The following ZNF398 variants were observed in gnomAD, a reference collection of about 807,000 sequenced individuals.
ZNF398 encodes the protein zinc finger protein 398, also known as zinc finger DNA binding protein ZER6.
ZNF398 carries 18 observed loss-of-function variants against 41.9 expected under a neutral mutation model. The ratio of observed to expected loss-of-function variants is 0.43; its 90% CI spans 0.30 to 0.64. The LOEUF (loss-of-function observed/expected upper bound fraction) is 0.64, where lower values mean the gene tolerates loss of function less well. Ranked by LOEUF, ZNF398 falls within the 30% of genes least tolerant of loss-of-function variation. ZNF398 has a pLI of 0.14. For missense variants in ZNF398, 669 were observed against 822.8 expected, an observed-to-expected ratio of 0.81 and a Z score of 2.29; for synonymous variants, 260 against 308.8, an observed-to-expected ratio of 0.84 and a Z score of 1.66.
chr7:149,161,808 CAAA>C (rs36116852), intron 2 of ZNF398, among the ~76,000 whole-genome samples: 2 of 116,696 alleles, frequency 1.7e-5, no homozygotes, highest in African/African-American at 3.0e-5. Flanking sequence ...TAATTAACTC[CAAA>C]AAAAAAAAAA....
upstream of ZNF398, among the ~76,000 whole-genome samples, chr7:149,142,927 T>C (rs1826858840): frequency 6.6e-6 from 1 of 152,214 alleles, no homozygotes; most frequent in Non-Finnish European, 1.5e-5. Flanking sequence ...CACTATAGTT[T>C]GTTCCCATCT....
Position 149,179,051 on chromosome 7 carries a change from C to A in ZNF398, c.1179C>A (p.Ala393=). The A allele has an allele frequency of 6.2e-7, 1 of 1,613,922 alleles. No individual in the cohort carries two copies. Among genetic ancestry groups the A allele is most frequent in the Non-Finnish European group, 8.5e-7 (1 of 1,179,970 alleles). Residue 393 remains alanine (A), a synonymous_variant, in exon 6 of 6, where the codon GCC becomes GCA. Transcript: ENST00000475153. This position sits in a 1 kb window ranked among gnomAD's most constrained non-coding sequence, Gnocchi z 6.1. ...ADLSSTSQDH[A]SETPPTCPHC... is the part of the protein sequence containing the mutation. ...TCAGCAGCACCTCCCAGGACCATGC[C>A]AGCGAGACACCCCCCACCTGCCCAC... is the stretch of plus-strand genomic sequence containing the variant.
intron 2 of ZNF398, among the ~76,000 whole-genome samples, chr7:149,163,197 TG>T (rs776090138): frequency 0.074 from 11,125 of 150,000 alleles, 415 homozygotes; most frequent in Middle Eastern, 0.094. Flanking sequence ...ATACCTGTTT[TG>T]TTTGTTTGTT....
At chr7:149,131,882 TA>T (rs1431880122) in intron 2 of ZNF398, among the ~76,000 whole-genome samples, 54 of 152,340 alleles carry the variant, frequency 3.5e-4, no homozygotes, top group African/African-American at 1.2e-3. Flanking sequence ...TTGACACTTT[TA>T]AACAGTTTTA....
At position 149,179,844 on chromosome 7, in the gene ZNF398, G is replaced by A. The variant is rs1437911145; in HGVS notation, c.*43G>A. 1.3e-6 allele frequency: 2 copies of A among 1,505,934 alleles called. No homozygotes were observed. Among genetic ancestry groups the A allele is most frequent in the African/African-American group, 1.4e-5 (1 of 71,608 alleles). The allele number at this position is 1,505,934 out of a possible 1,614,324, so 93.3% of individuals were successfully genotyped here. A position where few individuals can be genotyped will look rare whatever the true frequency, so the allele number is the denominator to read the frequency against. ...TTCATGCTTGTATATGCTCACAGCAGGGCACAAAATCCAAGAGAAGGTCTG... is the reference window on the plus strand; with the variant it reads ...TTCATGCTTGTATATGCTCACAGCAAGGCACAAAATCCAAGAGAAGGTCTG... On this transcript the variant is annotated 3_prime_UTR_variant, in exon 6 of 6. Coordinates refer to ENST00000475153, the MANE Select transcript of ZNF398 (RefSeq NM_170686.3). This position sits in a 1 kb window ranked among gnomAD's most constrained non-coding sequence, Gnocchi z 6.1.
intron 2 of ZNF398, among the ~76,000 whole-genome samples, chr7:149,142,419 G>A (rs1431477245): frequency 6.6e-6 from 1 of 152,216 alleles, no homozygotes; most frequent in Non-Finnish European, 1.5e-5. Flanking sequence ...TGTAATCCCA[G>A]CACTTTGGGA....
In ZNF398 at chr7:149,179,547, C is replaced by T. The variant is rs140277862; in HGVS notation, c.1675C>T (p.Arg559Cys). The change falls in exon 6 of 6, where the codon CGC becomes TGC. Residue 559 changes from arginine to cysteine, a missense_variant. By Grantham distance (180) the Arg-to-Cys change is radical. This residue lies in a region of ZNF398 where 210 missense variants were observed against 290.4 expected (regional missense o/e 0.72). Transcript: ENST00000475153. This position sits in a 1 kb window ranked among gnomAD's most constrained non-coding sequence, Gnocchi z 6.1. ...IRKHHLMKHQ[R>C]IHTGERPYPC... The stretch of plus-strand genomic sequence containing the variant: ...CAAGCACCACCTAATGAAACACCAG[C>T]GCATCCACACCGGGGAGCGGCCCTA... 4 of 1,614,096 alleles carry T rather than the reference C, an allele frequency of 2.5e-6. No homozygotes were observed. Among genetic ancestry groups the T allele is most frequent in the African/African-American group, 1.3e-5 (1 of 74,926 alleles).
At position 149,155,087 on chromosome 7, in the gene ZNF398, G is replaced by T. The variant is rs529677155; in HGVS notation, c.420+747G>T. On this transcript the variant is annotated intron_variant, in intron 2 of 5. Transcript: ENST00000475153. The stretch of plus-strand genomic sequence containing the variant: ...GGATCTCCTGAGGTCAGGAGTTCAA[G>T]ACCAGCCTGGCCAACATGGTGAAAC... 8.6e-4 allele frequency among the ~76,000 whole-genome samples: 130 copies of T among 150,898 alleles called. 1 individual carries two copies. Among genetic ancestry groups the T allele is most frequent in the Non-Finnish European group, 1.5e-3 (100 of 67,864 alleles).
chr7:149,145,270 T>A (rs1194185358), upstream of ZNF398, among the ~76,000 whole-genome samples: 1 of 152,174 alleles, frequency 6.6e-6, no homozygotes, highest in Non-Finnish European at 1.5e-5. Context: ...GGTCATGTGC[T>A]TATCCTATCA....
chr7:149,146,741 T>A (rs909422698), upstream of ZNF398, among the ~76,000 whole-genome samples: 6 of 151,460 alleles, frequency 4.0e-5, no homozygotes, highest in Non-Finnish European at 8.8e-5. Flanking sequence ...TCCCAGCTAC[T>A]TGGGAGGCAA....
Position 149,176,502 on chromosome 7 carries a change from G to A in ZNF398, c.696G>A (p.Trp232Ter). The A allele has an allele frequency of 6.2e-7, 1 of 1,613,692 alleles. No individual in the cohort carries two copies. The highest frequency in any genetic ancestry group is 8.5e-7 in the Non-Finnish European group (1 of 1,179,924). ...TTTCAACATCAGATATTCTGTCTTG[G>A]ATTAAACAAGAAGAAGAGCCTCAGG... The part of the protein sequence containing the change: ...PGISTSDILS[W>*]IKQEEEPQVG... The change falls in exon 5 of 6, where the codon TGG (tryptophan) becomes TGA (stop). Residue 232 changes from tryptophan (W) to a stop codon, truncating the protein, a stop_gained. Transcript: ENST00000475153. LOFTEE classifies it high-confidence loss of function.
At chr7:149,175,575 CAT>C (rs1355823591) in intron 4 of ZNF398, among the ~76,000 whole-genome samples, 1 of 152,144 alleles carries the variant, frequency 6.6e-6, no homozygotes, top group East Asian at 1.9e-4. Flanking sequence ...TAATATATCT[CAT>C]AGAAAGAGCC....
chr7:149,133,678 T>TGTGTGTGTATATATATATATACAC (rs1826646294), intron 2 of ZNF398, among the ~76,000 whole-genome samples: 1 of 67,024 alleles, frequency 1.5e-5, no homozygotes, highest in African/African-American at 6.1e-5. Flanking sequence ...TATATATATA[T>TGTGTGTGTATATATATATATACAC]ACATATATAT....
chr7:149,171,400 G>A (rs1487522075), intron 4 of ZNF398, among the ~76,000 whole-genome samples: 2 of 150,868 alleles, frequency 1.3e-5, no homozygotes, highest in Non-Finnish European at 2.9e-5. Flanking sequence ...ATGAAGTCTT[G>A]CCCTGTCGCC....
upstream of ZNF398, among the ~76,000 whole-genome samples, chr7:149,144,548 A>G (rs1296674258): frequency 1.3e-5 from 2 of 151,462 alleles, no homozygotes; most frequent in East Asian, 1.9e-4. Context: ...GGCTCCAACA[A>G]TCTACCCACC....
intron 2 of ZNF398, among the ~76,000 whole-genome samples, chr7:149,130,775 C>T (rs987368790): frequency 6.6e-6 from 1 of 152,124 alleles, no homozygotes; most frequent in Non-Finnish European, 1.5e-5. Flanking sequence ...ACGAAGAAGG[C>T]TTTAATTGGG....
intron 2 of ZNF398, among the ~76,000 whole-genome samples, chr7:149,133,751 A>ATT (rs754992194): frequency 1.7e-5 from 2 of 117,196 alleles, no homozygotes; most frequent in African/African-American, 6.4e-5. Flanking sequence ...TGACCTTCAG[A>ATT]TTTTTTTTTT....
chr7:149,131,545 G>A (rs7790138), intron 2 of ZNF398, among the ~76,000 whole-genome samples: 81,768 of 151,952 alleles, frequency 0.54, 25,492 homozygotes, highest in East Asian at 0.9. Flanking sequence ...AATTAGCTGG[G>A]TGTGGTGGCG....
chr7:149,178,219 G>A (rs1484070946), intron 5 of ZNF398, among the ~76,000 whole-genome samples: 1 of 152,042 alleles, frequency 6.6e-6, no homozygotes, highest in Non-Finnish European at 1.5e-5. Flanking sequence ...GTGAACCCGG[G>A]AGGCGGAGCT....
Sources: gnomAD v4.1 joint callset for allele counts (sites outside exome capture counted in the v4.1 genomes callset) on GRCh38, gnomAD v4.1.1 for gene constraint, gnomAD v4.1.1 regional missense constraint, Gnocchi (gnomAD v3.1) non-coding constraint, MANE v1.5 for transcripts, NCBI Gene and HGNC (gene_info 2026-07-23, HGNC 2026-07-21) for gene names.